The following CUX1 variants were observed in gnomAD, a reference collection of about 807,000 sequenced individuals.
CUX1 encodes protein CASP.
CUX1 carries 31 observed loss-of-function variants against 158.8 expected under a neutral mutation model. The ratio of observed to expected loss-of-function variants is 0.20; its 90% CI spans 0.15 to 0.26. The LOEUF is 0.26. Among genes scored for constraint, CUX1 ranks in the 10% least tolerant of loss-of-function variants. The probability of loss-of-function intolerance (pLI) is 1.00; values close to 1 mark genes in which losing one functional copy is unlikely to be tolerated. For missense variants in CUX1, 1,589 were observed against 2,014.6 expected (o/e 0.79, Z 4.04); for synonymous variants, 879 against 862.1 (o/e 1.02, Z -0.34).
At position 102,249,908 on chromosome 7, in the gene CUX1, G is replaced by T. The variant is rs1801309517; in HGVS notation, c.*866G>T. 28 of 985,744 alleles carry T rather than the reference G, an allele frequency of 2.8e-5. No homozygotes were observed. The highest frequency in any genetic ancestry group is 3.4e-5 in the Non-Finnish European group (28 of 829,906). The allele number at this position is 985,744 out of a possible 1,614,324, so 61.1% of individuals were successfully genotyped here. Reference sequence around the variant, plus strand: ...TCACATCAGGAAACTCTGATTTTGTGGTAGCTGACATAGTGTTTTCTTGTA... The same window carrying T: ...TCACATCAGGAAACTCTGATTTTGTTGTAGCTGACATAGTGTTTTCTTGTA... On this transcript the variant is annotated 3_prime_UTR_variant, in exon 24 of 24. Coordinates refer to ENST00000292535, the MANE Select transcript of CUX1 (RefSeq NM_181552.4).
chr7:102,113,281 C>T, intron 7 of CUX1, among the ~76,000 whole-genome samples: 1 of 152,086 alleles, frequency 6.6e-6, no homozygotes, highest in East Asian at 1.9e-4. Context: ...CTCTGTTGCC[C>T]AGGCTGGAGT....
At chr7:102,029,956 T>C (rs188579094) in intron 3 of CUX1, among the ~76,000 whole-genome samples, 74 of 152,302 alleles carry the variant, frequency 4.9e-4, no homozygotes, top group African/African-American at 1.7e-3. Context: ...TTCTTTCTTA[T>C]TGAAAAATTT....
chr7:102,127,243 G>A (rs1461889066), intron 8 of CUX1, among the ~76,000 whole-genome samples: 1 of 152,136 alleles, frequency 6.6e-6, no homozygotes, highest in Non-Finnish European at 1.5e-5. Flanking sequence ...GTCTCACCCT[G>A]TCACCCAGCC....
intron 3 of CUX1, among the ~76,000 whole-genome samples, chr7:102,037,263 A>G (rs1303278416): frequency 6.6e-6 from 1 of 152,236 alleles, no homozygotes; most frequent in East Asian, 1.9e-4. Context: ...ACAAATTACA[A>G]GGAGAGTCTT....
intron 18 of CUX1, among the ~76,000 whole-genome samples, chr7:102,203,738 T>G (rs1259024625): frequency 6.6e-6 from 1 of 152,062 alleles, no homozygotes; most frequent in African/African-American, 2.4e-5. Flanking sequence ...GTGGGGGGTG[T>G]TTGTGCCTAT....
At chr7:102,013,422 A>G (rs1402491510) in intron 2 of CUX1, among the ~76,000 whole-genome samples, 3 of 152,186 alleles carry the variant, frequency 2.0e-5, no homozygotes, top group Admixed American at 6.5e-5. Context: ...TTTCTTTCCT[A>G]AATTGTTTCA....
chr7:101,982,360 G>A (rs981206416), intron 2 of CUX1, among the ~76,000 whole-genome samples: 3 of 152,218 alleles, frequency 2.0e-5, no homozygotes, highest in African/African-American at 7.2e-5. Context: ...AGGAGGACAA[G>A]TCACTGGGTC....
rs10667965 is a variant in CUX1, at chr7:101,958,844, C to CTTTTT, written c.141+42643_141+42647dup. ...TTTTCTGTCATAAGGAGATGATGCC[C>CTTTTT]TTTTTTTTTTTTTTTTTTTTTTTTT... On this transcript the variant is annotated intron_variant, in intron 2 of 23. Coordinates refer to ENST00000292535, the MANE Select transcript of CUX1 (RefSeq NM_181552.4). 1.5e-4 allele frequency among the ~76,000 whole-genome samples: 10 copies of CTTTTT among 65,822 alleles called. 1 individual carries two copies. Among genetic ancestry groups the CTTTTT allele is most frequent in the African/African-American group, 3.6e-4 (6 of 16,794 alleles). 43.2% of individuals were successfully genotyped at this position (65,822 alleles called of 152,430 possible). A position where few individuals can be genotyped will look rare whatever the true frequency, so the allele number is the denominator to read the frequency against.
At position 102,250,744 on chromosome 7, in the gene CUX1, A is replaced by G. The variant is rs1341966084; in HGVS notation, c.*1702A>G. On this transcript the variant is annotated 3_prime_UTR_variant, in exon 24 of 24. Transcript: ENST00000292535. ...CTTGTCTCTGATTCCTCCCTTGTCT[A>G]TGTGTATATGCGTGAGAATAGAGGC... 4 of 985,138 alleles carry G rather than the reference A, an allele frequency of 4.1e-6. No homozygotes were observed. Among genetic ancestry groups the G allele is most frequent in the African/African-American group, 3.5e-5 (2 of 57,152 alleles). The allele number at this position is 985,138 out of a possible 1,614,324, so 61.0% of individuals were successfully genotyped here.
intron 2 of CUX1, among the ~76,000 whole-genome samples, chr7:101,951,651 G>T (rs149227775): frequency 0.024 from 3,586 of 152,086 alleles, 54 homozygotes; most frequent in African/African-American, 0.04. Context: ...GACTACAGGC[G>T]TCCGCCACCA....
chr7:101,819,600 A>G (rs1372235608), intron 1 of CUX1, among the ~76,000 whole-genome samples: 1 of 152,106 alleles, frequency 6.6e-6, no homozygotes, highest in Non-Finnish European at 1.5e-5. Context: ...TATTATTTTA[A>G]TTAAAATGTC....
At position 102,205,182 on chromosome 7, in the gene CUX1, GT is replaced by G; in HGVS notation, c.3130+15del. On this transcript the variant is annotated intron_variant, in intron 20 of 23. Coordinates refer to ENST00000292535, the MANE Select transcript of CUX1 (RefSeq NM_181552.4). ...CTGTGTGAGCTCAGGTAAGCAGCCA[GT>G]TTCTGTTGCTTTTGCATGAAATGTC... The G allele has an allele frequency of 6.3e-7, 1 of 1,599,588 alleles. No homozygotes were observed. Among genetic ancestry groups the G allele is most frequent in the East Asian group, 2.2e-5 (1 of 44,840 alleles).
chr7:102,249,324 C>T lies in CUX1; in HGVS notation c.*282C>T, dbSNP rs1334910752. Reference sequence around the variant, plus strand: ...CAGACCCAGCCCGCGGCCTGGACCCCTGGACCGCTTTGCGCACTTACCGCC... The same window carrying T: ...CAGACCCAGCCCGCGGCCTGGACCCTTGGACCGCTTTGCGCACTTACCGCC... On this transcript the variant is annotated 3_prime_UTR_variant, in exon 24 of 24. Transcript: ENST00000292535. 1 of 1,022,610 alleles carries T rather than the reference C, an allele frequency of 9.8e-7. No homozygotes were observed. Among genetic ancestry groups the T allele is most frequent in the East Asian group, 8.5e-5 (1 of 11,728 alleles). The allele number at this position is 1,022,610 out of a possible 1,614,324, so 63.3% of individuals were successfully genotyped here.
intron 2 of CUX1, among the ~76,000 whole-genome samples, chr7:102,003,545 GA>G (rs1183220432): frequency 6.6e-6 from 1 of 152,170 alleles, no homozygotes; most frequent in African/African-American, 2.4e-5. Flanking sequence ...CTGGAGGAAG[GA>G]AGGGGCTCCT....
Position 102,255,405 on chromosome 7 carries a change from A to G in CUX1, c.*6363A>G. Reference sequence around the variant, plus strand: ...AATCCCAAAAAAAAAAAAAGACAAAAAAAAAAGGCTGGCGAGAGAAAGACA... The same window carrying G: ...AATCCCAAAAAAAAAAAAAGACAAAGAAAAAAGGCTGGCGAGAGAAAGACA... On this transcript the variant is annotated 3_prime_UTR_variant, in exon 24 of 24. Coordinates refer to ENST00000292535, the MANE Select transcript of CUX1 (RefSeq NM_181552.4). The G allele has an allele frequency of 1.0e-6, 1 of 985,208 alleles. No homozygotes were observed. 61.0% of individuals were successfully genotyped at this position (985,208 alleles called of 1,614,324 possible). A position where few individuals can be genotyped will look rare whatever the true frequency, so the allele number is the denominator to read the frequency against.
At chr7:101,896,998 C>T (rs1379770066) in intron 1 of CUX1, among the ~76,000 whole-genome samples, 3 of 152,228 alleles carry the variant, frequency 2.0e-5, no homozygotes, top group Non-Finnish European at 4.4e-5. Flanking sequence ...CTGAGCCTAT[C>T]TGATGTGCAG....
chr7:102,124,712 A>G (rs1832422827), intron 8 of CUX1, among the ~76,000 whole-genome samples: 1 of 152,148 alleles, frequency 6.6e-6, no homozygotes, highest in Non-Finnish European at 1.5e-5. Context: ...GACAGGAGGA[A>G]TAAGTTTGAG....
intron 22 of CUX1, among the ~76,000 whole-genome samples, chr7:102,236,688 G>A (rs1045683213): frequency 3.9e-5 from 6 of 152,166 alleles, no homozygotes; most frequent in Admixed American, 2.6e-4. Flanking sequence ...CCCGAGCAGC[G>A]TGAAGCTTCC....
intron 20 of CUX1, among the ~76,000 whole-genome samples, chr7:102,220,949 G>C (rs1179807249): frequency 6.6e-6 from 1 of 152,088 alleles, no homozygotes; most frequent in Non-Finnish European, 1.5e-5. Flanking sequence ...GACCTCAAGC[G>C]ATCTGCCCAC....
Sources: gnomAD v4.1 joint callset for allele counts (sites outside exome capture counted in the v4.1 genomes callset) on GRCh38, gnomAD v4.1.1 for gene constraint, MANE v1.5 for transcripts, NCBI Gene and HGNC (gene_info 2026-07-23, HGNC 2026-07-21) for gene names.